TESK2: variants seen among roughly 807,000 people sequenced by gnomAD.
TESK2 encodes testis associated actin remodelling kinase 2.
A neutral mutation model predicts 57.1 loss-of-function variants in TESK2; 39 were observed. That is an observed-to-expected ratio of 0.68 (90% CI 0.53 to 0.89). The LOEUF is 0.89. TESK2 is among the 40% of genes least tolerant of loss of function. The pLI is 0.00. For synonymous variants in TESK2, 249 were observed against 267.9 expected, an observed-to-expected ratio of 0.93 and a Z score of 0.69; for missense variants, 646 against 732.1, an observed-to-expected ratio of 0.88 and a Z score of 1.36.
At chr1:45,369,493 CTAAA>C (rs764426870) in intron 4 of TESK2, among the ~76,000 whole-genome samples, 3 of 151,394 alleles carry the variant, frequency 2.0e-5, no homozygotes, top group Admixed American at 2.0e-4. Context: ...AACTCCATCT[CTAAA>C]TAAATAAATA....
At chr1:45,415,052 ACAGT>A (rs1438796825) in intron 3 of TESK2, 47 of 1,243,642 alleles carry the variant, frequency 3.8e-5, no homozygotes, top group Non-Finnish European at 5.0e-5. Context: ...CTTCAACATC[ACAGT>A]CAAACAGCGA....
intron 2 of TESK2, among the ~76,000 whole-genome samples, chr1:45,439,698 T>C (rs1006135031): frequency 2.0e-5 from 3 of 152,156 alleles, no homozygotes; most frequent in Non-Finnish European, 4.4e-5. Flanking sequence ...CAAACACCTG[T>C]AGTCCCAGCT....
intron 10 of TESK2, 89 bp downstream of exon 10, chr1:45,345,788 C>T (rs953537481): frequency 2.7e-6 from 3 of 1,130,266 alleles, no homozygotes; most frequent in Non-Finnish European, 3.9e-6. Flanking sequence ...GACCTGGGAT[C>T]CTGGCAATCA....
chr1:45,458,426 G>A (rs533510079), intron 1 of TESK2, among the ~76,000 whole-genome samples: 8 of 152,156 alleles, frequency 5.3e-5, no homozygotes, highest in East Asian at 1.9e-4. Flanking sequence ...TTAGCCAGGC[G>A]TGGTGGCAAG....
At chr1:45,408,181 T>C (rs373617758) in intron 3 of TESK2, among the ~76,000 whole-genome samples, 1 of 152,190 alleles carries the variant, frequency 6.6e-6, no homozygotes, top group African/African-American at 2.4e-5. Flanking sequence ...AAGGGGCTCA[T>C]GAGAGGCAAA....
chr1:45,390,131 C>T (rs371165912), intron 3 of TESK2, among the ~76,000 whole-genome samples: 1 of 152,020 alleles, frequency 6.6e-6, no homozygotes, highest in Non-Finnish European at 1.5e-5. Flanking sequence ...AAATTTCCCT[C>T]ATCTTAAAAA....
intron 5 of TESK2, among the ~76,000 whole-genome samples, chr1:45,352,962 G>A (rs889283741): frequency 1.3e-5 from 2 of 151,480 alleles, no homozygotes; most frequent in African/African-American, 4.8e-5. Flanking sequence ...GCAGTGGCAC[G>A]ATCTCGGCTC....
intron 2 of TESK2, among the ~76,000 whole-genome samples, chr1:45,441,774 G>A (rs542414986): frequency 8.6e-4 from 130 of 151,598 alleles, no homozygotes; most frequent in Non-Finnish European, 1.3e-3. Flanking sequence ...GTGCCACCAC[G>A]CCCAGCTAAT....
At position 45,344,754 on chromosome 1, in the gene TESK2, AG is replaced by A; in HGVS notation, c.*85del. 3.0e-6 allele frequency: 4 copies of A among 1,312,214 alleles called. No individual in the cohort carries two copies. The Admixed American group carries it at 8.8e-5, about 29-fold the overall frequency. The allele number at this position is 1,312,214 out of a possible 1,614,324, so 81.3% of individuals were successfully genotyped here. On this transcript the variant is annotated 3_prime_UTR_variant, in exon 11 of 11. Coordinates refer to ENST00000372086, the MANE Select transcript of TESK2 (RefSeq NM_007170.3). The stretch of plus-strand genomic sequence containing the variant: ...CTAGCCTGCCTGCTCTGTAGGCTCC[AG>A]GGAAGAATCAAGGCTGTGCACCTAG...
chr1:45,457,113 A>G (rs1570749875), intron 2 of TESK2, among the ~76,000 whole-genome samples: 2 of 152,168 alleles, frequency 1.3e-5, no homozygotes, highest in Admixed American at 1.3e-4. Context: ...ATGCCATTGT[A>G]CCCAGCTATC....
At chr1:45,464,219 T>G (rs1652444173) in intron 1 of TESK2, among the ~76,000 whole-genome samples, 2 of 152,082 alleles carry the variant, frequency 1.3e-5, no homozygotes, top group South Asian at 4.1e-4. Flanking sequence ...CATCAATATT[T>G]TATAGTTTAT....
intron 2 of TESK2, among the ~76,000 whole-genome samples, chr1:45,439,953 C>G (rs1215961803): frequency 1.3e-5 from 2 of 151,226 alleles, no homozygotes; most frequent in Non-Finnish European, 3.0e-5. Flanking sequence ...GCAAGCGCCC[C>G]CCCACTGCCA....
intron 2 of TESK2, among the ~76,000 whole-genome samples, chr1:45,423,273 A>G (rs1650552482): frequency 6.6e-6 from 1 of 152,168 alleles, no homozygotes; most frequent in South Asian, 2.1e-4. Context: ...ATAAAAATCC[A>G]TAGGCCGGGC....
intron 4 of TESK2, among the ~76,000 whole-genome samples, chr1:45,375,622 G>A (rs1458499657): frequency 6.6e-6 from 1 of 151,988 alleles, no homozygotes; most frequent in Non-Finnish European, 1.5e-5. Flanking sequence ...TTCCAGCTGG[G>A]TACAGTGGCT....
intron 4 of TESK2, among the ~76,000 whole-genome samples, chr1:45,372,758 G>T (rs1648247211): frequency 6.6e-6 from 1 of 151,710 alleles, no homozygotes; most frequent in Non-Finnish European, 1.5e-5. Context: ...AGAAAAGAAG[G>T]CCAGGCACGG....
At chr1:45,405,959 A>G (rs1649829885) in intron 3 of TESK2, among the ~76,000 whole-genome samples, 1 of 152,136 alleles carries the variant, frequency 6.6e-6, no homozygotes. Flanking sequence ...GCAGTGGCTC[A>G]CACCTGCAAT....
intron 1 of TESK2, among the ~76,000 whole-genome samples, chr1:45,478,607 T>A (rs1224749583): frequency 6.6e-6 from 1 of 152,190 alleles, no homozygotes; most frequent in Non-Finnish European, 1.5e-5. Flanking sequence ...ATTTAGCACC[T>A]CTTACGGGCC....
chr1:45,415,742 C>T (rs1468113956), intron 3 of TESK2, among the ~76,000 whole-genome samples: 2 of 152,178 alleles, frequency 1.3e-5, no homozygotes, highest in African/African-American at 4.8e-5. Flanking sequence ...TCATTACCCT[C>T]ATTTTATAGA....
chr1:45,363,259 TATC>T (rs1433681496), intron 4 of TESK2, among the ~76,000 whole-genome samples: 1 of 152,206 alleles, frequency 6.6e-6, no homozygotes, highest in African/African-American at 2.4e-5. Flanking sequence ...ATCAATAACT[TATC>T]ATTCTCACGC....
Sources: gnomAD v4.1 joint callset for allele counts (sites outside exome capture counted in the v4.1 genomes callset) on GRCh38, gnomAD v4.1.1 for gene constraint, MANE v1.5 for transcripts, NCBI Gene and HGNC (gene_info 2026-07-23, HGNC 2026-07-21) for gene names.